Variants in RBFOX1 observed in about 807,000 individuals in gnomAD.
RBFOX1 encodes the protein RNA binding fox-1 homolog 1.
In RBFOX1, 8 loss-of-function variants were observed where a neutral mutation model predicts 57.7. The observed-to-expected ratio is 0.14, with a 90% CI of 0.08 to 0.25. The LOEUF is 0.25. RBFOX1 is among the 10% of genes least tolerant of loss of function. RBFOX1 has a pLI of 1.00. For synonymous variants in RBFOX1, 326 were observed against 222.4 expected (o/e 1.47, Z -4.15); for missense variants, 611 against 548.5 (o/e 1.11, Z -1.14).
At chr16:5,578,199 C>A (rs2046534098) in intron 2 of RBFOX1, among the ~76,000 whole-genome samples, 1 of 152,178 alleles carries the variant, frequency 6.6e-6, no homozygotes, top group Non-Finnish European at 1.5e-5. Flanking sequence ...ATCCACCCAC[C>A]TCGGCCTCCC....
chr16:5,840,713 G>A (rs952865967), intron 3 of RBFOX1, among the ~76,000 whole-genome samples: 3 of 152,198 alleles, frequency 2.0e-5, no homozygotes, highest in Non-Finnish European at 4.4e-5. Context: ...TGTAGGTGAA[G>A]CAGAAGGAGC....
intron 3 of RBFOX1, among the ~76,000 whole-genome samples, chr16:6,760,170 C>T (rs530426036): frequency 2.0e-5 from 3 of 152,216 alleles, no homozygotes; most frequent in Non-Finnish European, 4.4e-5. Flanking sequence ...AGATAAGCAT[C>T]GCTATGTTTG....
chr16:5,940,338 G>A (rs1391723267), intron 4 of RBFOX1, among the ~76,000 whole-genome samples: 1 of 152,134 alleles, frequency 6.6e-6, no homozygotes, highest in South Asian at 2.1e-4. Context: ...TGAGCATCTC[G>A]TTTTTCCAGG....
chr16:7,405,422 T>C (rs565860025), intron 4 of RBFOX1, among the ~76,000 whole-genome samples: 2 of 152,232 alleles, frequency 1.3e-5, no homozygotes, highest in Non-Finnish European at 1.5e-5. Context: ...CCAGAGAACA[T>C]TGAGCGGAGC....
chr16:7,570,936 C>T (rs2092709575), intron 5 of RBFOX1, among the ~76,000 whole-genome samples: 3 of 152,128 alleles, frequency 2.0e-5, no homozygotes, highest in Admixed American at 6.6e-5. Flanking sequence ...TTTGCAAGGA[C>T]AGTGGATGGA....
chr16:7,595,016 C>T (rs2152944507), intron 7 of RBFOX1, among the ~76,000 whole-genome samples: 1 of 152,210 alleles, frequency 6.6e-6, no homozygotes, highest in East Asian at 1.9e-4. Flanking sequence ...GAAGTAAAGG[C>T]TGTAGAACTG....
At chr16:6,229,924 C>G (rs2097446072) in intron 1 of RBFOX1, among the ~76,000 whole-genome samples, 1 of 151,854 alleles carries the variant, frequency 6.6e-6, no homozygotes, top group Non-Finnish European at 1.5e-5. Flanking sequence ...GAAAGTGATC[C>G]TCATCCCTTA....
At chr16:5,549,827 C>G (rs763291675) in intron 2 of RBFOX1, among the ~76,000 whole-genome samples, 3 of 152,102 alleles carry the variant, frequency 2.0e-5, no homozygotes, top group Non-Finnish European at 2.9e-5. Flanking sequence ...TTGTGAGTTA[C>G]TGGGAAGGAT....
At chr16:5,857,189 G>A (rs774596678) in intron 3 of RBFOX1, among the ~76,000 whole-genome samples, 19 of 152,108 alleles carry the variant, frequency 1.2e-4, no homozygotes, top group Non-Finnish European at 2.9e-5. Flanking sequence ...AGGGAAAGAT[G>A]GGGAACAGCT....
chr16:5,941,702 G>A (rs955429326), intron 4 of RBFOX1, among the ~76,000 whole-genome samples: 3 of 151,132 alleles, frequency 2.0e-5, no homozygotes, highest in Non-Finnish European at 2.9e-5. Context: ...GAACTAGCCA[G>A]GAATTATCCC....
chr16:6,993,745 A>G (rs542939167), intron 3 of RBFOX1, among the ~76,000 whole-genome samples: 8 of 152,258 alleles, frequency 5.3e-5, no homozygotes, highest in African/African-American at 1.9e-4. Flanking sequence ...GCCCAGCTCC[A>G]TGGGCATGGG....
At chr16:5,314,698 G>C (rs114354452) in intron 1 of RBFOX1, among the ~76,000 whole-genome samples, 183 of 151,958 alleles carry the variant, frequency 1.2e-3, no homozygotes, top group African/African-American at 4.1e-3. Flanking sequence ...ACACGGTCTT[G>C]TTATGTTGCC....
intron 4 of RBFOX1, among the ~76,000 whole-genome samples, chr16:6,010,838 G>A (rs2094957085): frequency 6.6e-6 from 1 of 152,098 alleles, no homozygotes; most frequent in South Asian, 2.1e-4. Flanking sequence ...GACATTCCCA[G>A]GGATTGTGAT....
chr16:5,671,079 A>G (rs1202417505), intron 3 of RBFOX1, among the ~76,000 whole-genome samples: 1 of 152,252 alleles, frequency 6.6e-6, no homozygotes, highest in Non-Finnish European at 1.5e-5. Flanking sequence ...TCAGCCTCAC[A>G]CAAACCAGAG....
chr16:7,100,430 G>C lies in RBFOX1; in HGVS notation c.27+48332G>C, dbSNP rs1405484361. Among the ~76,000 whole-genome samples, 4 of 152,100 alleles carry C rather than the reference G, an allele frequency of 2.6e-5. No individual in the cohort carries two copies. In the East Asian group the frequency reaches 5.8e-4, roughly 22 times the overall value. ...TATTTCCTCCTCTTTTAAAATATCA[G>C]TATATTTGAATTTTCATAGATACCC... On this transcript the variant is annotated intron_variant, in intron 4 of 15. Transcript: ENST00000550418.
intron 4 of RBFOX1, among the ~76,000 whole-genome samples, chr16:7,218,628 C>CTCTG (rs1206468606): frequency 0.011 from 1,389 of 127,468 alleles, 42 homozygotes; most frequent in East Asian, 0.021. Flanking sequence ...TGGGGGTTTG[C>CTCTG]TGTGTGTGTG....
At chr16:6,007,826 G>A (rs555830252) in intron 4 of RBFOX1, among the ~76,000 whole-genome samples, 53 of 152,252 alleles carry the variant, frequency 3.5e-4, no homozygotes, top group African/African-American at 1.2e-3. Context: ...ACAGAACTTT[G>A]ATATCTAGCA....
At chr16:6,294,185 A>G (rs1465922445) in intron 1 of RBFOX1, among the ~76,000 whole-genome samples, 1 of 152,156 alleles carries the variant, frequency 6.6e-6, no homozygotes, top group Non-Finnish European at 1.5e-5. Context: ...CTGTCTCTAA[A>G]GAAAACAAAA....
intron 4 of RBFOX1, among the ~76,000 whole-genome samples, chr16:7,212,503 G>A (rs1025830284): frequency 2.0e-5 from 3 of 152,142 alleles, no homozygotes; most frequent in African/African-American, 4.8e-5. Context: ...GTACACCCTA[G>A]AGTGGGGTTT....
Sources: allele counts gnomAD v4.1 joint callset (sites outside exome capture counted in the v4.1 genomes callset), GRCh38; gene constraint gnomAD v4.1.1; transcripts MANE v1.5; gene names NCBI Gene and HGNC (gene_info 2026-07-23, HGNC 2026-07-21).